Variants in NFATC2 observed in about 807,000 individuals in gnomAD.
The protein encoded by NFATC2 is nuclear factor of activated T cells 2.
In NFATC2, 22 loss-of-function variants were observed where a neutral mutation model predicts 87.3. The observed-to-expected ratio is 0.25, with a 90% CI of 0.18 to 0.36. The LOEUF is 0.36. NFATC2 is among the 10% of genes least tolerant of loss of function. The probability of loss-of-function intolerance (pLI) is 1.00; values close to 1 mark genes in which losing one functional copy is unlikely to be tolerated. For missense variants in NFATC2, 1,149 were observed against 1,259.1 expected (o/e 0.91, Z 1.32); for synonymous variants, 565 against 542.2 (o/e 1.04, Z -0.58).
intron 10 of NFATC2, among the ~76,000 whole-genome samples, chr20:51,392,825 G>T (rs551816985): frequency 3.3e-5 from 5 of 152,142 alleles, no homozygotes; most frequent in African/African-American, 1.2e-4. Flanking sequence ...GGTGCTTTTC[G>T]CTGGAAAACC....
intron 3 of NFATC2, among the ~76,000 whole-genome samples, chr20:51,510,979 A>G (rs1294408028): frequency 1.3e-5 from 2 of 152,372 alleles, no homozygotes; most frequent in East Asian, 3.9e-4. Context: ...GCCATGAGCC[A>G]AATTCAACCC....
At chr20:51,557,869 G>T (rs2076991487) in intron 1 of NFATC2, among the ~76,000 whole-genome samples, 1 of 152,166 alleles carries the variant, frequency 6.6e-6, no homozygotes. Context: ...TGTGGTTTCT[G>T]GTTCCTGGAG....
At chr20:51,414,742 G>A (rs1221326785) in intron 9 of NFATC2, among the ~76,000 whole-genome samples, 2 of 151,784 alleles carry the variant, frequency 1.3e-5, no homozygotes, top group East Asian at 1.9e-4. Flanking sequence ...GGTGGTTAAG[G>A]CATGGGCAAA....
intron 6 of NFATC2, among the ~76,000 whole-genome samples, chr20:51,440,258 A>AAAAAAAGG (rs1984152912): frequency 7.1e-6 from 1 of 141,552 alleles, no homozygotes; most frequent in Non-Finnish European, 1.6e-5. Context: ...AAAAAAAAAA[A>AAAAAAAGG]TGTTCAACAG....
chr20:51,495,250 A>C (rs1205603389), intron 3 of NFATC2, among the ~76,000 whole-genome samples: 6 of 152,042 alleles, frequency 3.9e-5, no homozygotes, highest in Non-Finnish European at 7.4e-5. Flanking sequence ...ACACCCAGCT[A>C]ATTTTTGGGT....
intron 9 of NFATC2, among the ~76,000 whole-genome samples, chr20:51,429,370 T>G (rs1982343177): frequency 6.6e-6 from 1 of 152,230 alleles, no homozygotes; most frequent in Non-Finnish European, 1.5e-5. Context: ...CTTGCTGCCT[T>G]TTGGAGGCCA....
chr20:51,398,949 G>T (rs1346008437), intron 9 of NFATC2: 3 of 516,378 alleles, frequency 5.8e-6, no homozygotes, highest in East Asian at 3.1e-5. Flanking sequence ...TGTGCAAAGT[G>T]CATTACATTA....
chr20:51,393,529 A>G (rs553056776), intron 10 of NFATC2, among the ~76,000 whole-genome samples: 110 of 152,348 alleles, frequency 7.2e-4, no homozygotes, highest in Non-Finnish European at 1.2e-3. Flanking sequence ...GCTAACCAGC[A>G]CTAGTTGGGC....
intron 10 of NFATC2, among the ~76,000 whole-genome samples, chr20:51,395,808 A>G (rs1245451319): frequency 6.6e-6 from 1 of 152,034 alleles, no homozygotes; most frequent in East Asian, 1.9e-4. Context: ...AAAAATGGCT[A>G]TAGACACAAA....
Position 51,524,556 on chromosome 20 carries a change from C to G in NFATC2, c.131-446G>C, listed in dbSNP as rs557359908. Among the ~76,000 whole-genome samples the G allele has an allele frequency of 1.3e-4, 20 of 152,240 alleles. No homozygotes were observed. The East Asian group carries it at 3.9e-3, about 29-fold the overall frequency. ...CGACCCATTAGACGGATCCCCTAAC[C>G]CGTCTGCGCGGTAGGTCATGACCCC... is the stretch of plus-strand genomic sequence containing the variant. On this transcript the variant is annotated intron_variant, in intron 1 of 10. Transcript: ENST00000371564. The surrounding 1 kb of genome is among the most constrained non-coding windows in gnomAD (Gnocchi z 4.0).
intron 3 of NFATC2, among the ~76,000 whole-genome samples, chr20:51,479,525 C>T (rs75164249): frequency 0.081 from 12,339 of 152,192 alleles, 581 homozygotes; most frequent in Middle Eastern, 0.11. Flanking sequence ...GGGGCTGAAG[C>T]GAGAGGATCA....
chr20:51,517,316 G>A (rs567609769), intron 2 of NFATC2, among the ~76,000 whole-genome samples: 1 of 152,272 alleles, frequency 6.6e-6, no homozygotes, highest in African/African-American at 2.4e-5. Context: ...ATGGCTGGGT[G>A]TGGTGGCTCA....
chr20:51,398,164 T>G (rs534375796), intron 10 of NFATC2, among the ~76,000 whole-genome samples: 1 of 152,046 alleles, frequency 6.6e-6, no homozygotes, highest in Non-Finnish European at 1.5e-5. Context: ...AGCTGAAACC[T>G]TGAGTGGAGG....
At chr20:51,529,681 G>A (rs150809318) in intron 1 of NFATC2, among the ~76,000 whole-genome samples, 162 of 151,952 alleles carry the variant, frequency 1.1e-3, no homozygotes, top group African/African-American at 3.8e-3. Flanking sequence ...CCACTTGCAC[G>A]ATCTTTGCTC....
rs930902502 is a variant in NFATC2 at position 51,480,563 on chromosome 20, G to A, written c.1333-4903C>T. Among the ~76,000 whole-genome samples, 18 of 152,250 alleles carry A rather than the reference G, an allele frequency of 1.2e-4. No homozygotes were observed. The East Asian group carries it at 1.9e-3, about 16-fold the overall frequency. On this transcript the variant is annotated intron_variant, in intron 3 of 10. Transcript: ENST00000371564. This position sits in a 1 kb window ranked among gnomAD's most constrained non-coding sequence, Gnocchi z 4.2. ...GTGAGGGTCCCTTCCCCGCCTCCCCGGGTAACACCAGAAAGCAGTGTGGTA... is the reference window on the plus strand; with the variant it reads ...GTGAGGGTCCCTTCCCCGCCTCCCCAGGTAACACCAGAAAGCAGTGTGGTA...
intron 10 of NFATC2, among the ~76,000 whole-genome samples, chr20:51,396,068 A>ATATATATATT (rs1987071299): frequency 6.8e-5 from 2 of 29,316 alleles, no homozygotes; most frequent in Non-Finnish European, 1.2e-4. Context: ...ATATATATAT[A>ATATATATATT]TATATATATA....
Position 51,390,322 on chromosome 20 carries a change from T to TTTTCCTCTA in NFATC2, c.*1173_*1174insTAGAGGAAA, listed in dbSNP as rs1175971970. 6.6e-6 allele frequency: 1 copy of TTTTCCTCTA among 152,202 alleles called. No homozygotes were observed. Among genetic ancestry groups the TTTTCCTCTA allele is most frequent in the Admixed American group, 6.5e-5 (1 of 15,278 alleles). 9.4% of individuals were successfully genotyped at this position (152,202 alleles called of 1,614,324 possible). A position where few individuals can be genotyped will look rare whatever the true frequency, so the allele number is the denominator to read the frequency against. ...GCTCGGCTGTCCCACTTAGAGGGAA[T>TTTTCCTCTA]TCAGCCCTTTTCCTCTATCTTGGTA... On this transcript the variant is annotated 3_prime_UTR_variant, in exon 11 of 11. Transcript: ENST00000371564.
chr20:51,432,450 G>A lies in NFATC2; in HGVS notation c.2339C>T (p.Ala780Val), dbSNP rs893684530. The change falls in exon 9 of 11, where the codon GCT (alanine) becomes GTT (valine). Residue 780 changes from alanine to valine, a missense_variant. Physicochemically the swap from Ala to Val is moderately conservative, Grantham distance 64 (BLOSUM62 0). Transcript: ENST00000371564. The surrounding 1 kb of genome is among the most constrained non-coding windows in gnomAD (Gnocchi z 4.6). ...GGCGTGCACCAGCACAGAGCGGTGA[G>A]CGTCCGCAAGGGACAGCGGGGCGGC... The part of the protein sequence containing the change: ...LMAAPLSLAD[A>V]HRSVLVHAGS... The A allele has an allele frequency of 5.7e-6, 9 of 1,569,790 alleles. No individual in the cohort carries two copies. The highest frequency in any genetic ancestry group is 6.9e-6 in the Non-Finnish European group (8 of 1,156,288).
chr20:51,457,567 C>T lies in NFATC2; in HGVS notation c.1709-2879G>A, dbSNP rs138354234. ...ACCTTTGCCAAGTCTGCATTTCCTACCTCCCTACCTGAAGGAAAACTTTTT... is the reference window on the plus strand; with the variant it reads ...ACCTTTGCCAAGTCTGCATTTCCTATCTCCCTACCTGAAGGAAAACTTTTT... On this transcript the variant is annotated intron_variant, in intron 5 of 10. Transcript: ENST00000371564. 5.8e-3 allele frequency among the ~76,000 whole-genome samples: 877 copies of T among 151,712 alleles called. 3 individuals are homozygous for T. Among genetic ancestry groups the T allele is most frequent in the Middle Eastern group, 0.01 (3 of 294 alleles).
Sources: allele counts gnomAD v4.1 joint callset (sites outside exome capture counted in the v4.1 genomes callset), GRCh38; gene constraint gnomAD v4.1.1; non-coding constraint Gnocchi (gnomAD v3.1); transcripts MANE v1.5; gene names NCBI Gene and HGNC (gene_info 2026-07-23, HGNC 2026-07-21).